The following PIEZO2 variants were observed in gnomAD, a reference collection of about 807,000 sequenced individuals.
The protein encoded by PIEZO2 is piezo type mechanosensitive ion channel component 2.
PIEZO2 carries 172 observed loss-of-function variants against 337.3 expected under a neutral mutation model. That is an observed-to-expected ratio of 0.51 (90% CI 0.45 to 0.58). The LOEUF is 0.58. Ranked by LOEUF, PIEZO2 falls within the 20% of genes least tolerant of loss-of-function variation. The pLI is 0.00. For missense variants in PIEZO2, 3,028 were observed against 3,391.3 expected (o/e 0.89, Z 2.66); for synonymous variants, 1,251 against 1,228.5 (o/e 1.02, Z -0.38).
In PIEZO2 at chr18:11,110,061, A is replaced by T. The variant is rs1289119801; in HGVS notation, c.64+38464T>A. Among the ~76,000 whole-genome samples, 1 of 152,132 alleles carries T rather than the reference A, an allele frequency of 6.6e-6. No individual in the cohort carries two copies. The highest frequency in any genetic ancestry group is 1.5e-5 in the Non-Finnish European group (1 of 68,028). ...GTGGGTGGACAATGACAGGTTCAGG[A>T]GTAACTGCAATGCTCTCATTTTCCC... On this transcript the variant is annotated intron_variant, in intron 1 of 55. Coordinates refer to ENST00000674853, the MANE Select transcript of PIEZO2 (RefSeq NM_001378183.1). This position sits in a 1 kb window ranked among gnomAD's most constrained non-coding sequence, Gnocchi z 4.2.
intron 2 of PIEZO2, among the ~76,000 whole-genome samples, chr18:10,983,686 C>T (rs1169695920): frequency 1.3e-5 from 2 of 151,976 alleles, no homozygotes; most frequent in African/African-American, 4.8e-5. Context: ...CCTGAGGACC[C>T]CCACAACCAA....
chr18:10,689,875 A>G, intron 48 of PIEZO2, 73 bp from the exon 49 acceptor site: 1 of 1,527,614 alleles, frequency 6.5e-7, no homozygotes, highest in South Asian at 1.3e-5. Flanking sequence ...CAGGAGCTCA[A>G]GCAGTTCCTT....
intron 11 of PIEZO2, among the ~76,000 whole-genome samples, chr18:10,798,311 G>A (rs531327011): frequency 1.5e-4 from 23 of 152,336 alleles, no homozygotes; most frequent in African/African-American, 5.3e-4. Flanking sequence ...GCTATGTATA[G>A]GTGGGTTACA....
At chr18:11,073,987 C>T (rs2038435601) in intron 1 of PIEZO2, among the ~76,000 whole-genome samples, 1 of 151,850 alleles carries the variant, frequency 6.6e-6, no homozygotes, top group Non-Finnish European at 1.5e-5. Context: ...GCTGGGACAA[C>T]AGGCGCATGC....
intron 2 of PIEZO2, among the ~76,000 whole-genome samples, chr18:10,989,726 A>G (rs2035017407): frequency 6.6e-6 from 1 of 152,180 alleles, no homozygotes; most frequent in South Asian, 2.1e-4. Flanking sequence ...TGAGGGGGAA[A>G]TATGTTTATA....
chr18:10,731,349 T>C (rs922216836), intron 36 of PIEZO2, 58 bp downstream of exon 36: 2 of 1,204,048 alleles, frequency 1.7e-6, no homozygotes, highest in Non-Finnish European at 1.2e-6. Context: ...CAGACAAGGC[T>C]GGGGAGCACA....
At chr18:11,011,913 T>G (rs531580278) in intron 2 of PIEZO2, among the ~76,000 whole-genome samples, 35 of 152,322 alleles carry the variant, frequency 2.3e-4, no homozygotes, top group African/African-American at 7.5e-4. Flanking sequence ...CCCAGGAGTT[T>G]AAGGCTGCAG....
chr18:10,747,120 G>A (rs1001291515), intron 30 of PIEZO2, among the ~76,000 whole-genome samples: 4 of 152,102 alleles, frequency 2.6e-5, no homozygotes, highest in Non-Finnish European at 5.9e-5. Flanking sequence ...TCTTCAATAG[G>A]CATGAACTGT....
At chr18:10,740,754 T>G in intron 33 of PIEZO2, 1 of 582,128 alleles carries the variant, frequency 1.7e-6, no homozygotes, top group Non-Finnish European at 3.1e-6. Flanking sequence ...CTTCCCTTTC[T>G]GAGCCCATAA....
chr18:10,714,663 T>C lies in PIEZO2; in HGVS notation c.5423+101A>G, dbSNP rs151126311. Reference sequence around the variant, plus strand: ...GAAGAGGGTGGGGGTCCATGCATGGTTTTGATGAACTTTCACCTCACACAT... The same window carrying C: ...GAAGAGGGTGGGGGTCCATGCATGGCTTTGATGAACTTTCACCTCACACAT... On this transcript the variant is annotated intron_variant, in intron 39 of 55. Transcript: ENST00000674853. The C allele has an allele frequency of 5.6e-3, 7,605 of 1,369,122 alleles. 25 individuals are homozygous for C. The highest frequency in any genetic ancestry group is 6.5e-3 in the Non-Finnish European group (6,605 of 1,013,024). The allele number at this position is 1,369,122 out of a possible 1,614,324, so 84.8% of individuals were successfully genotyped here.
intron 4 of PIEZO2, among the ~76,000 whole-genome samples, chr18:10,885,377 T>C (rs1439632117): frequency 6.6e-6 from 1 of 152,088 alleles, no homozygotes; most frequent in African/African-American, 2.4e-5. Context: ...TGAGCCGAGA[T>C]TGAGCAACTG....
At chr18:10,927,272 G>C (rs2031800039) in intron 3 of PIEZO2, among the ~76,000 whole-genome samples, 1 of 152,142 alleles carries the variant, frequency 6.6e-6, no homozygotes, top group East Asian at 1.9e-4. Context: ...CCCTTTGGAA[G>C]CTCAAGTTCT....
At position 10,750,923 on chromosome 18, in the gene PIEZO2, A is replaced by G. The variant is rs753672456; in HGVS notation, c.4168-736T>C. ...CCAGCCCTGGGAATATTCCAGTCCT[A>G]CACCATCATGTCCTGCTTTTGTTCC... On this transcript the variant is annotated intron_variant, in intron 28 of 55. Transcript: ENST00000674853. This position sits in a 1 kb window ranked among gnomAD's most constrained non-coding sequence, Gnocchi z 4.1. Among the ~76,000 whole-genome samples the G allele has an allele frequency of 1.3e-5, 2 of 152,140 alleles. No individual in the cohort carries two copies. Among genetic ancestry groups the G allele is most frequent in the Non-Finnish European group, 2.9e-5 (2 of 68,004 alleles).
intron 2 of PIEZO2, among the ~76,000 whole-genome samples, chr18:11,024,547 G>GAAAAAAA (rs569472740): frequency 1.9e-5 from 2 of 104,046 alleles, no homozygotes; most frequent in Non-Finnish European, 2.0e-5. Flanking sequence ...CTCTGTCTCA[G>GAAAAAAA]AAAAAAAAAA....
intron 2 of PIEZO2, among the ~76,000 whole-genome samples, chr18:11,010,411 C>T (rs1322306306): frequency 6.6e-6 from 1 of 152,120 alleles, no homozygotes; most frequent in Non-Finnish European, 1.5e-5. Context: ...CTGTACAAAA[C>T]CTGGGAATGA....
Position 10,759,359 on chromosome 18 carries a change from C to A in PIEZO2, c.3757+123G>T. ...TGACTTGTGATATTAATGCATAAGACAAGCCTTTACATGATTACGAAGTCT... is the reference window on the plus strand; with the variant it reads ...TGACTTGTGATATTAATGCATAAGAAAAGCCTTTACATGATTACGAAGTCT... On this transcript the variant is annotated intron_variant, in intron 26 of 55. Transcript: ENST00000674853. This position sits in a 1 kb window ranked among gnomAD's most constrained non-coding sequence, Gnocchi z 5.5. The A allele has an allele frequency of 3.7e-6, 3 of 806,586 alleles. No homozygotes were observed. The highest frequency in any genetic ancestry group is 3.9e-6 in the Non-Finnish European group (2 of 510,728). The allele number at this position is 806,586 out of a possible 1,614,324, so 50.0% of individuals were successfully genotyped here. A position where few individuals can be genotyped will look rare whatever the true frequency, so the allele number is the denominator to read the frequency against.
rs2036151463 is a variant in PIEZO2 at position 10,719,184 on chromosome 18, G to A, written c.5030-925C>T. Among the ~76,000 whole-genome samples the A allele has an allele frequency of 2.0e-5, 3 of 152,126 alleles. No homozygotes were observed. In the South Asian group the frequency reaches 6.2e-4, roughly 32 times the overall value. ...TTAAATTTGAATGTAAGATAAACAA[G>A]AAATTTTAAATTTAAGAACATTTAA... On this transcript the variant is annotated intron_variant, in intron 36 of 55. Transcript: ENST00000674853.
At chr18:10,970,148 C>T (rs1408586087) in intron 3 of PIEZO2, among the ~76,000 whole-genome samples, 1 of 152,238 alleles carries the variant, frequency 6.6e-6, no homozygotes, top group Non-Finnish European at 1.5e-5. Flanking sequence ...CTGACCCCCT[C>T]TACCTGGGGG....
At chr18:10,989,520 G>A (rs368635823) in intron 2 of PIEZO2, among the ~76,000 whole-genome samples, 1 of 151,342 alleles carries the variant, frequency 6.6e-6, no homozygotes, top group Non-Finnish European at 1.5e-5. Context: ...GGATTTGACT[G>A]CACGGAAACT....
Sources: allele counts gnomAD v4.1 joint callset (sites outside exome capture counted in the v4.1 genomes callset), GRCh38; gene constraint gnomAD v4.1.1; non-coding constraint Gnocchi (gnomAD v3.1); transcripts MANE v1.5; gene names NCBI Gene and HGNC (gene_info 2026-07-23, HGNC 2026-07-21).